SLA: variants seen among roughly 807,000 people sequenced by gnomAD.
SLA encodes Src like adaptor.
Under a neutral mutation model 30.3 loss-of-function variants are expected in SLA, and 16 were observed. The observed-to-expected ratio is 0.53, with a 90% CI of 0.36 to 0.80. The LOEUF (loss-of-function observed/expected upper bound fraction) is 0.80. Among genes scored for constraint, SLA ranks in the 30% least tolerant of loss-of-function variants. The pLI is 0.01. For missense variants in SLA, 310 were observed against 345.2 expected, an observed-to-expected ratio of 0.90 and a Z score of 0.81; for synonymous variants, 143 against 137.8, an observed-to-expected ratio of 1.04 and a Z score of -0.26.
chr8:133,087,537 A>G (rs1846787183), intron 1 of SLA, among the ~76,000 whole-genome samples: 1 of 152,224 alleles, frequency 6.6e-6, no homozygotes, highest in Admixed American at 6.5e-5. Flanking sequence ...GTGCTTACAC[A>G]ATAAGTTATA....
intron 2 of SLA, chr8:133,063,473 G>C (rs1207503446): frequency 8.6e-5 from 13 of 151,524 alleles, no homozygotes; most frequent in Admixed American, 7.2e-4. Context: ...GCATTTGCAT[G>C]CTATTTTGGA....
At chr8:133,050,954 T>C in intron 3 of SLA, 39 bp from the exon 4 acceptor site, 1 of 1,226,384 alleles carries the variant, frequency 8.2e-7, no homozygotes, top group Non-Finnish European at 1.2e-6. Flanking sequence ...GGCAAGGTGC[T>C]TTTTATTCAC....
chr8:133,095,091 T>C, intron 1 of SLA: 1 of 1,614,190 alleles, frequency 6.2e-7, no homozygotes, highest in Non-Finnish European at 8.5e-7. Context: ...ATGAGAGGGC[T>C]CAGCAGCAGG....
intron 5 of SLA, among the ~76,000 whole-genome samples, chr8:133,048,147 T>C (rs1443320968): frequency 6.6e-6 from 1 of 152,240 alleles, no homozygotes; most frequent in Non-Finnish European, 1.5e-5. Flanking sequence ...TTGATAGAGT[T>C]AAAATTAGAA....
Position 133,038,656 on chromosome 8 carries a change from A to C in SLA, c.699T>G (p.Ile233Met). The change falls in exon 9 of 9, where the codon ATT becomes ATG. Residue 233 changes from isoleucine (I) to methionine (M), a missense_variant. Transcript: ENST00000338087. ...SLFSYGLRES[I>M]ASYLSLTSED... ...CACTGGTCAGGGACAGGTAAGAGGC[A>C]ATGCTCTCTCGAAGGCCATAGCTGA... 6.2e-7 allele frequency: 1 copy of C among 1,613,860 alleles called. No homozygotes were observed. Among genetic ancestry groups the C allele is most frequent in the Non-Finnish European group, 8.5e-7 (1 of 1,179,796 alleles).
At position 133,047,837 on chromosome 8, in the gene SLA, G is replaced by C; in HGVS notation, c.345C>G (p.Thr115=). 3 of 1,577,118 alleles carry C rather than the reference G, an allele frequency of 1.9e-6. No homozygotes were observed. Among genetic ancestry groups the C allele is most frequent in the Non-Finnish European group, 2.6e-6 (3 of 1,146,182 alleles). ...GAGTTGGGGGCCACTCACCTTTCTTGGTCTCACTCTCTCTGATCATGAAGG... is the reference window on the plus strand; with the variant it reads ...GAGTTGGGGGCCACTCACCTTTCTTCGTCTCACTCTCTCTGATCATGAAGG... The part of the protein sequence containing the change: ...VGSFMIRESE[T]KKGFYSLSVR... Residue 115 remains threonine (T), a synonymous_variant, in exon 6 of 9, where the codon ACC becomes ACG. Transcript: ENST00000338087.
At chr8:133,073,183 A>G (rs1044030888) in intron 2 of SLA, 3 of 152,208 alleles carry the variant, frequency 2.0e-5, no homozygotes, top group African/African-American at 7.2e-5. Flanking sequence ...CAGAATGTTG[A>G]CACAGGTGCA....
chr8:133,044,992 T>G lies in SLA; in HGVS notation c.476A>C (p.His159Pro). 6.2e-7 allele frequency: 1 copy of G among 1,614,184 alleles called. No homozygotes were observed. The highest frequency in any genetic ancestry group is 8.5e-7 in the Non-Finnish European group (1 of 1,180,016). ...TATTGTATGTCTCTTACCAGAATAG[T>G]GGTTCACCAGGTCCTCCAGGCACTG... The part of the protein sequence containing the change: ...TFQCLEDLVN[H>P]YSEVADGLCC... Residue 159 changes from histidine (H) to proline (P), a missense_variant, in exon 7 of 9, where the codon CAC (histidine) becomes CCC (proline). Transcript: ENST00000338087.
At chr8:133,056,216 G>A (rs536011053) in intron 3 of SLA, among the ~76,000 whole-genome samples, 34 of 152,250 alleles carry the variant, frequency 2.2e-4, no homozygotes, top group Middle Eastern at 3.4e-3. Context: ...ATGTGACATC[G>A]TGGATTTCTT....
Position 133,039,989 on chromosome 8 carries a change from C to T in SLA, c.617+9G>A, listed in dbSNP as rs1837900119. ...CACACACACACACACATACACACAC[C>T]ATACTCACCTGGACACTCTCCTCCA... On this transcript the variant is annotated intron_variant, in intron 8 of 8. Coordinates refer to ENST00000338087, the MANE Select transcript of SLA (RefSeq NM_001045556.3). 6.5e-7 allele frequency: 1 copy of T among 1,546,186 alleles called. No homozygotes were observed. Among genetic ancestry groups the T allele is most frequent in the Non-Finnish European group, 8.7e-7 (1 of 1,145,798 alleles).
At chr8:133,096,000 A>G (rs1478560469) in intron 1 of SLA, among the ~76,000 whole-genome samples, 1 of 152,200 alleles carries the variant, frequency 6.6e-6, no homozygotes, top group Admixed American at 6.5e-5. Context: ...CCTGGAGACC[A>G]TCATTGCTGA....
intron 1 of SLA, among the ~76,000 whole-genome samples, chr8:133,078,672 C>T (rs536795958): frequency 1.3e-5 from 2 of 152,334 alleles, no homozygotes; most frequent in African/African-American, 4.8e-5. Flanking sequence ...TAGGCCCTAC[C>T]CTCAAGGAGT....
In SLA at chr8:133,075,049, G is replaced by A; in HGVS notation, c.-237C>T. ...AACTGGCCGCATACTTCCTCTGCTA[G>A]GAACGAGGAAGGCACAGGGCTTGCA... On this transcript the variant is annotated 5_prime_UTR_variant, in exon 2 of 9. Coordinates refer to ENST00000338087, the MANE Select transcript of SLA (RefSeq NM_001045556.3). The A allele has an allele frequency of 9.1e-6, 9 of 985,332 alleles. No homozygotes were observed. In the South Asian group the frequency reaches 3.8e-4, roughly 41 times the overall value. The allele number at this position is 985,332 out of a possible 1,614,324, so 61.0% of individuals were successfully genotyped here.
At chr8:133,082,655 A>G (rs1564167256) in intron 1 of SLA, among the ~76,000 whole-genome samples, 2 of 152,100 alleles carry the variant, frequency 1.3e-5, no homozygotes, top group Non-Finnish European at 2.9e-5. Context: ...CTGCCCTGGT[A>G]TTTTCACCTC....
intron 1 of SLA, among the ~76,000 whole-genome samples, chr8:133,079,315 C>G (rs145644375): frequency 5.3e-5 from 8 of 152,292 alleles, no homozygotes; most frequent in Middle Eastern, 3.4e-3. Context: ...AGACTAATGA[C>G]CATAGGCAAA....
At position 133,038,223 on chromosome 8, in the gene SLA, G is replaced by C. The variant is rs1837437085; in HGVS notation, c.*301C>G. The C allele has an allele frequency of 2.5e-6, 1 of 397,906 alleles. No individual in the cohort carries two copies. The highest frequency in any genetic ancestry group is 2.4e-5 in the South Asian group (1 of 41,246). The allele number at this position is 397,906 out of a possible 1,614,324, so 24.6% of individuals were successfully genotyped here. ...CCTGGTGCCCTTTCTTGTGAGAGTGGCTTTGTCCTTCCCACACACACAATG... is the reference window on the plus strand; with the variant it reads ...CCTGGTGCCCTTTCTTGTGAGAGTGCCTTTGTCCTTCCCACACACACAATG... On this transcript the variant is annotated 3_prime_UTR_variant, in exon 9 of 9. Transcript: ENST00000338087.
chr8:133,045,374 T>C (rs1034295850), intron 6 of SLA, among the ~76,000 whole-genome samples: 4 of 151,456 alleles, frequency 2.6e-5, no homozygotes, highest in Non-Finnish European at 4.4e-5. Flanking sequence ...GAACACAGGT[T>C]TCATCCTCTT....
In SLA at chr8:133,074,960, G is replaced by A; in HGVS notation, c.-148C>T. The A allele has an allele frequency of 1.0e-6, 1 of 985,496 alleles. No homozygotes were observed. The highest frequency in any genetic ancestry group is 1.2e-6 in the Non-Finnish European group (1 of 829,980). 61.0% of individuals were successfully genotyped at this position (985,496 alleles called of 1,614,324 possible). On this transcript the variant is annotated 5_prime_UTR_variant, in exon 2 of 9. Transcript: ENST00000338087. Reference sequence around the variant, plus strand: ...ACTGCTGCTGCTCCAGAATAAACAGGCAGCCGGGCTTCTCGCGGTTGTGGA... The same window carrying A: ...ACTGCTGCTGCTCCAGAATAAACAGACAGCCGGGCTTCTCGCGGTTGTGGA...
In SLA at chr8:133,099,150, C is replaced by G. The variant is rs1848868361; in HGVS notation, c.-319+3403G>C. 2.0e-5 allele frequency among the ~76,000 whole-genome samples: 3 copies of G among 152,232 alleles called. 1 individual carries two copies. In the South Asian group the frequency reaches 6.2e-4, roughly 31 times the overall value. ...AAGCCAGCATTGAAGTTGGGCACCC[C>G]CAAATAGAGAAGCCTCTCTAAGGGC... On this transcript the variant is annotated intron_variant, in intron 1 of 8. Coordinates refer to ENST00000338087, the MANE Select transcript of SLA (RefSeq NM_001045556.3).
Sources: gnomAD v4.1 joint callset for allele counts (sites outside exome capture counted in the v4.1 genomes callset) on GRCh38, gnomAD v4.1.1 for gene constraint, MANE v1.5 for transcripts, NCBI Gene and HGNC (gene_info 2026-07-23, HGNC 2026-07-21) for gene names.